Variants in NLRX1 observed in about 807,000 individuals in gnomAD.
NLRX1 encodes NLR family member X1, also known as NOD-like receptor X1.
A neutral mutation model predicts 74.2 loss-of-function variants in NLRX1; 67 were observed. That is an observed-to-expected ratio of 0.90 (90% CI 0.74 to 1.11). The LOEUF is 1.11. Ranked by LOEUF, NLRX1 falls within the 50% of genes least tolerant of loss-of-function variation. The pLI is 0.00. For missense variants in NLRX1, 1,191 were observed against 1,305.4 expected (o/e 0.91, Z 1.35); for synonymous variants, 506 against 559.1 (o/e 0.91, Z 1.34).
intron 1 of NLRX1, among the ~76,000 whole-genome samples, chr11:119,169,546 G>A (rs1052903368): frequency 2.0e-5 from 3 of 152,238 alleles, no homozygotes; most frequent in Non-Finnish European, 4.4e-5. Flanking sequence ...GTGGCCCAAT[G>A]CAGCCAGTTC....
rs755475158 is a variant in NLRX1 at position 119,179,965 on chromosome 11, C to T, written c.1944C>T (p.Asn648=). The change falls in exon 7 of 10, where the codon AAC becomes AAT. Residue 648 remains asparagine, a synonymous_variant. Transcript: ENST00000409109. ...VLAQLGCPIK[N]LDALENAQAI... ...CTCAGCTTGGCTGCCCCATCAAGAA[C>T]CTGGATGCCCTGGAGAATGCCCAGG... The T allele has an allele frequency of 3.1e-6, 5 of 1,613,402 alleles. No individual in the cohort carries two copies. The highest frequency in any genetic ancestry group is 3.3e-5 in the Admixed American group (2 of 59,996).
chr11:119,180,714 A>C (rs562530529), intron 7 of NLRX1, among the ~76,000 whole-genome samples: 1 of 151,628 alleles, frequency 6.6e-6, no homozygotes, highest in Non-Finnish European at 1.5e-5. Flanking sequence ...AAAAAAAAAA[A>C]AAAGTCTAGT....
At chr11:119,171,962 A>G (rs1445486627) in intron 2 of NLRX1, among the ~76,000 whole-genome samples, 1 of 152,104 alleles carries the variant, frequency 6.6e-6, no homozygotes, top group Non-Finnish European at 1.5e-5. Context: ...CTCAAAAAAA[A>G]AAAAAGAGAG....
At chr11:119,170,179 G>A (rs57532845) in intron 1 of NLRX1, among the ~76,000 whole-genome samples, 4,162 of 152,174 alleles carry the variant, frequency 0.027, 195 homozygotes, top group African/African-American at 0.093. Context: ...GCTTGTGGGA[G>A]CCCAGTGTTT....
At position 119,182,291 on chromosome 11, in the gene NLRX1, C is replaced by T. The variant is rs147179534; in HGVS notation, c.2552C>T (p.Ala851Val). ...NVAYNGAGDT[A>V]ALALARAARE... ...GCGTACAACGGTGCTGGTGACACAG[C>T]GGCCCTGGCCCTGGCCAGAGCTGCC... The change falls in exon 9 of 10, where the codon GCG (alanine) becomes GTG (valine). Residue 851 changes from alanine to valine, a missense_variant. Coordinates refer to ENST00000409109, the MANE Select transcript of NLRX1 (RefSeq NM_001282144.2). 64 of 1,613,294 alleles carry T rather than the reference C, an allele frequency of 4.0e-5. No homozygotes were observed. The highest frequency in any genetic ancestry group is 2.5e-4 in the Admixed American group (15 of 60,008).
chr11:119,176,110 G>A (rs1468405972), intron 6 of NLRX1, among the ~76,000 whole-genome samples: 1 of 152,160 alleles, frequency 6.6e-6, no homozygotes, highest in Non-Finnish European at 1.5e-5. Context: ...GGTGCATTAC[G>A]GATATGTCTG....
chr11:119,168,494 A>C (rs1205811584), upstream of NLRX1: 1 of 152,248 alleles, frequency 6.6e-6, no homozygotes, highest in Non-Finnish European at 1.5e-5. Context: ...TCCCCTGGAC[A>C]CCGCGCCTCA....
chr11:119,172,525 G>A (rs1948575584), intron 3 of NLRX1, 100 bp downstream of exon 3: 1 of 921,948 alleles, frequency 1.1e-6, no homozygotes, highest in Non-Finnish European at 1.8e-6. Flanking sequence ...GGGGACCTTG[G>A]GGAGGGGCTT....
chr11:119,172,853 G>C, intron 3 of NLRX1, 48 bp from the exon 4 acceptor site: 1 of 1,395,946 alleles, frequency 7.2e-7, no homozygotes, highest in East Asian at 2.3e-5. Context: ...CTGTGAAGGG[G>C]CTGATCCAAG....
chr11:119,179,843 C>T lies in NLRX1; in HGVS notation c.1822C>T (p.Arg608Trp), dbSNP rs763155461. ...CAGTATCCTGGGCGTGGAGGGCCCCCGGCGCCACCCAGATGAGCCCCCTGA... is the reference window on the plus strand; with the variant it reads ...CAGTATCCTGGGCGTGGAGGGCCCCTGGCGCCACCCAGATGAGCCCCCTGA... ...GASILGVEGP[R>W]RHPDEPPEDE... Residue 608 changes from arginine to tryptophan, a missense_variant, in exon 7 of 10, where the codon CGG becomes TGG. Coordinates refer to ENST00000409109, the MANE Select transcript of NLRX1 (RefSeq NM_001282144.2). 3.2e-5 allele frequency: 52 copies of T among 1,613,898 alleles called. No individual in the cohort carries two copies. The highest frequency in any genetic ancestry group is 2.3e-4 in the South Asian group (21 of 91,052).
rs151306288 is a variant in NLRX1, at chr11:119,180,249, G to A, written c.2228G>A (p.Arg743His). 279 of 1,600,936 alleles carry A rather than the reference G, an allele frequency of 1.7e-4. 2 individuals are homozygous for A. The South Asian group carries it at 1.9e-3, about 11-fold the overall frequency. ...ASCQLDPAGL[R>H]TLLPVFLRAR... ...TGCCAGCTAGATCCTGCTGGGCTGC[G>A]CACACTCCTGCCTGTCTTCCTGCGT... The change falls in exon 7 of 10, where the codon CGC (arginine) becomes CAC (histidine). Residue 743 changes from arginine to histidine, a missense_variant. Arg to His is a conservative substitution (Grantham distance 29). Coordinates refer to ENST00000409109, the MANE Select transcript of NLRX1 (RefSeq NM_001282144.2).
rs141200494 is a variant in NLRX1 at position 119,183,289 on chromosome 11, G to A, written c.2778G>A (p.Arg926=). The change falls in exon 10 of 10, where the codon CGG becomes CGA. Residue 926 remains arginine (R), a synonymous_variant. Transcript: ENST00000409109. The surrounding 1 kb of genome is among the most constrained non-coding windows in gnomAD (Gnocchi z 5.7). ...AGCGGAACCTCAATAGCTGGGATCGGGCCCGGGTTCAGCGACACCTTGAGC... is the reference window on the plus strand; with the variant it reads ...AGCGGAACCTCAATAGCTGGGATCGAGCCCGGGTTCAGCGACACCTTGAGC... ...EVQRNLNSWD[R]ARVQRHLELL... 1.2e-6 allele frequency: 2 copies of A among 1,614,094 alleles called. No homozygotes were observed. The highest frequency in any genetic ancestry group is 2.7e-5 in the African/African-American group (2 of 74,916).
At chr11:119,171,538 T>C in intron 2 of NLRX1, 65 bp downstream of exon 2, 1 of 1,195,184 alleles carries the variant, frequency 8.4e-7, no homozygotes, top group Non-Finnish European at 1.2e-6. Flanking sequence ...ACATGATGCC[T>C]CCAAGACAGC....
chr11:119,179,025 G>A (rs1948761820), intron 6 of NLRX1, among the ~76,000 whole-genome samples: 1 of 152,120 alleles, frequency 6.6e-6, no homozygotes, highest in Admixed American at 6.5e-5. Flanking sequence ...GCACTGTTAA[G>A]ATGAAAAAAG....
At chr11:119,170,497 G>C (rs1428427025) in intron 1 of NLRX1, among the ~76,000 whole-genome samples, 2 of 152,198 alleles carry the variant, frequency 1.3e-5, no homozygotes, top group African/African-American at 4.8e-5. Flanking sequence ...TTACATGGGA[G>C]AAGTTTGAAG....
At position 119,183,323 on chromosome 11, in the gene NLRX1, C is replaced by T. The variant is rs775081346; in HGVS notation, c.2812C>T (p.Arg938Trp). The T allele has an allele frequency of 3.3e-5, 54 of 1,614,086 alleles. No homozygotes were observed. The highest frequency in any genetic ancestry group is 5.0e-5 in the Admixed American group (3 of 60,002). The change falls in exon 10 of 10, where the codon CGG becomes TGG. Residue 938 changes from arginine (R) to tryptophan (W), a missense_variant. By Grantham distance (101) the Arg-to-Trp change is moderately radical. Coordinates refer to ENST00000409109, the MANE Select transcript of NLRX1 (RefSeq NM_001282144.2). The surrounding 1 kb of genome is among the most constrained non-coding windows in gnomAD (Gnocchi z 5.7). ...TCAGCGACACCTTGAGCTCCTACTG[C>T]GGGATCTGGAAGATAGCCGGGGTGC... ...RVQRHLELLLRDLEDSRGATL... is the reference protein window; with the variant it reads ...RVQRHLELLLWDLEDSRGATL...
rs199476033 is a variant in NLRX1, at chr11:119,171,367, G to C, written c.-37G>C. The C allele has an allele frequency of 3.0e-4, 476 of 1,612,192 alleles. No individual in the cohort carries two copies. In the African/African-American group the frequency reaches 5.8e-3, roughly 20 times the overall value. On this transcript the variant is annotated 5_prime_UTR_variant, in exon 2 of 10. Transcript: ENST00000409109. The stretch of plus-strand genomic sequence containing the variant: ...TATTCTTCTTGCAGGACAGAAGTCG[G>C]TCCTAGGCCCCCCAGGCTCTGACCT...
intron 2 of NLRX1, 76 bp from the exon 3 acceptor site, chr11:119,172,280 T>A: frequency 8.8e-7 from 1 of 1,135,042 alleles, no homozygotes; most frequent in Non-Finnish European, 1.3e-6. Flanking sequence ...GAGCAAATAC[T>A]GGGGGGTTTG....
chr11:119,175,124 G>T lies in NLRX1; in HGVS notation c.1521G>T (p.Val507=), dbSNP rs1216137688. 6.2e-7 allele frequency: 1 copy of T among 1,614,232 alleles called. No individual in the cohort carries two copies. Among genetic ancestry groups the T allele is most frequent in the South Asian group, 1.1e-5 (1 of 91,088 alleles). Residue 507 remains valine, a synonymous_variant, in exon 6 of 10, where the codon GTG becomes GTT. Transcript: ENST00000409109. ...AATACCTGGCTGCCCTCTACATTGT[G>T]CTGGGTTTGCGCAAGACGACCCTGC... is the stretch of plus-strand genomic sequence containing the variant. ...MQEYLAALYI[V]LGLRKTTLQK...
Sources: gnomAD v4.1 joint callset for allele counts (sites outside exome capture counted in the v4.1 genomes callset) on GRCh38, gnomAD v4.1.1 for gene constraint, Gnocchi (gnomAD v3.1) non-coding constraint, MANE v1.5 for transcripts, NCBI Gene and HGNC (gene_info 2026-07-23, HGNC 2026-07-21) for gene names.